Variants in ZFP82 observed in about 807,000 individuals in gnomAD.
ZFP82 encodes zinc finger protein 82 homolog.
Under a neutral mutation model 54.0 loss-of-function variants are expected in ZFP82, and 30 were observed. The ratio of observed to expected loss-of-function variants is 0.56; its 90% CI spans 0.42 to 0.75. The LOEUF (loss-of-function observed/expected upper bound fraction) is 0.75, where lower values mean the gene tolerates loss of function less well. Among genes scored for constraint, ZFP82 ranks in the 30% least tolerant of loss-of-function variants. The pLI, the probability that ZFP82 is intolerant of heterozygous loss-of-function variation, is 0.00. For synonymous variants in ZFP82, 194 were observed against 209.5 expected, an observed-to-expected ratio of 0.93 and a Z score of 0.64; for missense variants, 500 against 636.8, an observed-to-expected ratio of 0.79 and a Z score of 2.31.
intron 4 of ZFP82, among the ~76,000 whole-genome samples, chr19:36,401,121 C>T (rs1169297397): frequency 6.8e-6 from 1 of 147,466 alleles, no homozygotes; most frequent in Non-Finnish European, 1.5e-5. Context: ...TGTTGTCCCT[C>T]TTTCCCTCTT....
At chr19:36,409,891 T>C (rs189880038) in intron 1 of ZFP82, 24 bp from the exon 2 acceptor site, 8 of 1,212,044 alleles carry the variant, frequency 6.6e-6, no homozygotes, top group African/African-American at 1.5e-5. Context: ...AACAAGGCCA[T>C]GAGATCAGAT....
intron 1 of ZFP82, among the ~76,000 whole-genome samples, chr19:36,418,213 C>A (rs2032705573): frequency 6.6e-6 from 1 of 152,030 alleles, no homozygotes; most frequent in Non-Finnish European, 1.5e-5. Flanking sequence ...CCACCTGGTC[C>A]GGCCTAGTCT....
chr19:36,414,143 G>A (rs564287959), intron 1 of ZFP82, among the ~76,000 whole-genome samples: 24 of 151,924 alleles, frequency 1.6e-4, no homozygotes, highest in African/African-American at 3.1e-4. Flanking sequence ...CTCGTGATCC[G>A]CCCGCCTTGG....
Position 36,414,537 on chromosome 19 carries a change from G to A in ZFP82, c.-79+3955C>T, listed in dbSNP as rs144975888. ...TGCCACCACACCCGGCTGATTTTTT[G>A]TATTTTAGTACAGACAGGGTTTCAC... On this transcript the variant is annotated intron_variant, in intron 1 of 4. Transcript: ENST00000392161. Among the ~76,000 whole-genome samples the A allele has an allele frequency of 8.5e-3, 1,277 of 150,952 alleles. 20 individuals are homozygous for A. The highest frequency in any genetic ancestry group is 0.029 in the African/African-American group (1,208 of 41,110).
downstream of ZFP82, among the ~76,000 whole-genome samples, chr19:36,386,075 A>G (rs976591347): frequency 5.3e-5 from 8 of 152,230 alleles, no homozygotes; most frequent in Non-Finnish European, 1.2e-4. Flanking sequence ...GGAAGACAGG[A>G]GCTATCAAGA....
At chr19:36,414,283 T>C (rs905271131) in intron 1 of ZFP82, among the ~76,000 whole-genome samples, 2 of 152,014 alleles carry the variant, frequency 1.3e-5, no homozygotes, top group African/African-American at 2.4e-5. Flanking sequence ...TCTAAAGGGA[T>C]TTTTGAGATT....
intron 1 of ZFP82, among the ~76,000 whole-genome samples, chr19:36,414,846 A>C (rs2032642790): frequency 6.9e-6 from 1 of 145,340 alleles, no homozygotes; most frequent in African/African-American, 2.6e-5. Context: ...TTTTTGAGAC[A>C]GTTTCGCTCC....
At chr19:36,409,144 G>C (rs1010607171) in intron 2 of ZFP82, among the ~76,000 whole-genome samples, 1 of 152,074 alleles carries the variant, frequency 6.6e-6, no homozygotes, top group Admixed American at 6.5e-5. Flanking sequence ...AATTCCAAAA[G>C]ATCTCAGATC....
Position 36,409,013 on chromosome 19 carries a change from T to C in ZFP82, c.9+768A>G, listed in dbSNP as rs555739008. The stretch of plus-strand genomic sequence containing the variant: ...CACTTTCCATCCCTCACTGTATGCC[T>C]TCCTGGTTCCTGAGTTAAAGGATAT... On this transcript the variant is annotated intron_variant, in intron 2 of 4. Coordinates refer to ENST00000392161, the MANE Select transcript of ZFP82 (RefSeq NM_133466.4). Among the ~76,000 whole-genome samples the C allele has an allele frequency of 2.2e-4, 34 of 152,268 alleles. No individual in the cohort carries two copies. The South Asian group carries it at 5.0e-3, about 22-fold the overall frequency.
intron 1 of ZFP82, among the ~76,000 whole-genome samples, chr19:36,414,433 A>G (rs1246967923): frequency 2.1e-5 from 3 of 144,016 alleles, no homozygotes; most frequent in Non-Finnish European, 4.5e-5. Flanking sequence ...GCATGATCTC[A>G]GCTCACTGCA....
At chr19:36,399,288 T>C (rs914632637) in intron 4 of ZFP82, among the ~76,000 whole-genome samples, 3 of 152,174 alleles carry the variant, frequency 2.0e-5, no homozygotes, top group Admixed American at 6.5e-5. Flanking sequence ...AGGAAGAGAT[T>C]CCTGCACAGA....
intron 3 of ZFP82, among the ~76,000 whole-genome samples, chr19:36,407,222 G>C (rs917086250): frequency 9.4e-5 from 14 of 149,704 alleles, no homozygotes; most frequent in Admixed American, 2.7e-4. Context: ...GACTACAGGC[G>C]CCCGCCACTA....
At position 36,414,259 on chromosome 19, in the gene ZFP82, T is replaced by C. The variant is rs916132664; in HGVS notation, c.-79+4233A>G. On this transcript the variant is annotated intron_variant, in intron 1 of 4. Coordinates refer to ENST00000392161, the MANE Select transcript of ZFP82 (RefSeq NM_133466.4). ...GATAAATTATCTTTAACAATTTCAA[T>C]AGCAGTCCCTTTCTCTAAAGGGATT... 5.3e-5 allele frequency among the ~76,000 whole-genome samples: 8 copies of C among 152,230 alleles called. No individual in the cohort carries two copies. The East Asian group carries it at 1.4e-3, about 26-fold the overall frequency.
chr19:36,415,394 C>CT (rs34172308), intron 1 of ZFP82, among the ~76,000 whole-genome samples: 7,825 of 148,922 alleles, frequency 0.053, 230 homozygotes, highest in Non-Finnish European at 0.067. Context: ...CCAGGACTTT[C>CT]TTTTTTTTTT....
chr19:36,391,143 T>C lies in ZFP82; in HGVS notation c.*1598A>G, dbSNP rs968901316. 4.6e-5 allele frequency: 7 copies of C among 152,146 alleles called. No individual in the cohort carries two copies. Among genetic ancestry groups the C allele is most frequent in the Admixed American group, 6.5e-5 (1 of 15,272 alleles). 9.4% of individuals were successfully genotyped at this position (152,146 alleles called of 1,614,324 possible). On this transcript the variant is annotated 3_prime_UTR_variant, in exon 5 of 5. Coordinates refer to ENST00000392161, the MANE Select transcript of ZFP82 (RefSeq NM_133466.4). ...ACCAACTTTTGGTTGTCTTGAAATATAGTTTGTAAAGGATAGGCAAGGTAA... is the reference window on the plus strand; with the variant it reads ...ACCAACTTTTGGTTGTCTTGAAATACAGTTTGTAAAGGATAGGCAAGGTAA...
rs2032191702 is a variant in ZFP82, at chr19:36,391,065, GCCT to G, written c.*1673_*1675del. The G allele has an allele frequency of 6.6e-6, 1 of 152,384 alleles. No individual in the cohort carries two copies. Among genetic ancestry groups the G allele is most frequent in the South Asian group, 2.1e-4 (1 of 4,816 alleles). The allele number at this position is 152,384 out of a possible 1,614,324, so 9.4% of individuals were successfully genotyped here. A position where few individuals can be genotyped will look rare whatever the true frequency, so the allele number is the denominator to read the frequency against. The stretch of plus-strand genomic sequence containing the variant: ...TTACAGGCTTGAGCCACCGCGCCTG[GCCT>G]CCTTTGACCTTTTAACCAGTTGGAA... On this transcript the variant is annotated 3_prime_UTR_variant, in exon 5 of 5. Transcript: ENST00000392161.
At chr19:36,395,434 CTG>C (rs1167211555) in intron 4 of ZFP82, 44 of 152,292 alleles carry the variant, frequency 2.9e-4, no homozygotes, top group Non-Finnish European at 2.9e-5. Context: ...CTATATCTTA[CTG>C]AAGTTCTTAT....
chr19:36,392,783 T>C lies in ZFP82; in HGVS notation c.1557A>G (p.Ser519=). Residue 519 remains serine (S), a synonymous_variant, in exon 5 of 5, where the codon TCA becomes TCG. Transcript: ENST00000392161. ...KECKKAFRQH[S]HLTHHLKIHN... ...GAATTTTCAGATGATGAGTAAGGTG[T>C]GAATGTTGCCTAAAGGCCTTCTTAC... is the stretch of plus-strand genomic sequence containing the variant. 6.3e-7 allele frequency: 1 copy of C among 1,598,044 alleles called. No individual in the cohort carries two copies. The highest frequency in any genetic ancestry group is 8.5e-7 in the Non-Finnish European group (1 of 1,174,418).
chr19:36,407,054 A>G (rs978461812), intron 3 of ZFP82, among the ~76,000 whole-genome samples: 2 of 151,280 alleles, frequency 1.3e-5, no homozygotes, highest in Admixed American at 1.3e-4. Context: ...CATGAATACA[A>G]ATCTTAGATT....
Sources: gnomAD v4.1 joint callset for allele counts (sites outside exome capture counted in the v4.1 genomes callset) on GRCh38, gnomAD v4.1.1 for gene constraint, MANE v1.5 for transcripts, NCBI Gene and HGNC (gene_info 2026-07-23, HGNC 2026-07-21) for gene names.